Variants in ARHGEF19 observed in about 807,000 individuals in gnomAD.
The protein encoded by ARHGEF19 is Rho guanine nucleotide exchange factor 19.
A neutral mutation model predicts 87.6 loss-of-function variants in ARHGEF19; 92 were observed. That is an observed-to-expected ratio of 1.05 (90% CI 0.89 to 1.25). The LOEUF (loss-of-function observed/expected upper bound fraction) is 1.25. Ranked by LOEUF, ARHGEF19 falls within the 50% of genes most tolerant of loss-of-function variation. The pLI is 0.00. For missense variants in ARHGEF19, 1,054 were observed against 1,051.8 expected, an observed-to-expected ratio of 1.00 and a Z score of -0.03; for synonymous variants, 438 against 446.2, an observed-to-expected ratio of 0.98 and a Z score of 0.23.
At chr1:16,199,397 G>A in intron 14 of ARHGEF19, 143 bp from the exon 15 acceptor site, 1 of 677,600 alleles carries the variant, frequency 1.5e-6, no homozygotes, top group East Asian at 2.7e-5. Context: ...CCACTGCCAT[G>A]CCACAGGCCC....
Position 16,209,025 on chromosome 1 carries a change from C to T in ARHGEF19, c.30G>A (p.Gln10=), listed in dbSNP as rs777168488. The change falls in exon 2 of 16, where the codon CAG becomes CAA. Residue 10 remains glutamine (Q), a synonymous_variant. Transcript: ENST00000270747. MDCGPPATL[Q]PHLTGPPGTA... Reference sequence around the variant, plus strand: ...TGCCAGGTGGCCCAGTCAGGTGGGGCTGGAGGGTAGCAGGTGGCCCACAGT... The same window carrying T: ...TGCCAGGTGGCCCAGTCAGGTGGGGTTGGAGGGTAGCAGGTGGCCCACAGT... 3.3e-5 allele frequency: 49 copies of T among 1,499,464 alleles called. 2 individuals carry two copies. In the South Asian group the frequency reaches 6.7e-4, roughly 20 times the overall value. 92.9% of individuals were successfully genotyped at this position (1,499,464 alleles called of 1,614,324 possible). A position where few individuals can be genotyped will look rare whatever the true frequency, so the allele number is the denominator to read the frequency against.
chr1:16,207,918 T>A lies in ARHGEF19; in HGVS notation c.694+26A>T. 8.9e-7 allele frequency: 1 copy of A among 1,121,944 alleles called. No individual in the cohort carries two copies. The highest frequency in any genetic ancestry group is 1.2e-6 in the Non-Finnish European group (1 of 805,692). 69.5% of individuals were successfully genotyped at this position (1,121,944 alleles called of 1,614,324 possible). A position where few individuals can be genotyped will look rare whatever the true frequency, so the allele number is the denominator to read the frequency against. ...ACCCCCACCCGGCATCTGGCTGCCC[T>A]CAGGGCCCATGGGAGGAGCTGGTAC... is the stretch of plus-strand genomic sequence containing the variant. On this transcript the variant is annotated intron_variant, in intron 3 of 15. Transcript: ENST00000270747. This position sits in a 1 kb window ranked among gnomAD's most constrained non-coding sequence, Gnocchi z 4.0.
intron 14 of ARHGEF19, 48 bp from the exon 15 acceptor site, chr1:16,199,302 G>C: frequency 1.3e-6 from 2 of 1,569,546 alleles, no homozygotes; most frequent in South Asian, 1.1e-5. Flanking sequence ...AGGATGGCAG[G>C]GGGAGGAGCA....
chr1:16,211,391 G>C (rs1384855407), intron 1 of ARHGEF19, among the ~76,000 whole-genome samples: 4 of 152,238 alleles, frequency 2.6e-5, no homozygotes, highest in African/African-American at 9.6e-5. Context: ...TGTATGCTGG[G>C]AGATTCTAGC....
chr1:16,207,902 C>CGGCCGCGGGGG lies in ARHGEF19; in HGVS notation c.694+41_694+42insCCCCCGCGGCC. The stretch of plus-strand genomic sequence containing the variant: ...GGCATCGCCCACCCCCACCCCCACC[C>CGGCCGCGGGGG]GGCATCTGGCTGCCCTCAGGGCCCA... On this transcript the variant is annotated intron_variant, in intron 3 of 15. Coordinates refer to ENST00000270747, the MANE Select transcript of ARHGEF19 (RefSeq NM_153213.5). The surrounding 1 kb of genome is among the most constrained non-coding windows in gnomAD (Gnocchi z 4.0). 1 of 1,574,838 alleles carries CGGCCGCGGGGG rather than the reference C, an allele frequency of 6.3e-7. No homozygotes were observed. Among genetic ancestry groups the CGGCCGCGGGGG allele is most frequent in the Non-Finnish European group, 8.6e-7 (1 of 1,159,220 alleles).
Position 16,201,774 on chromosome 1 carries a change from G to A in ARHGEF19, c.2146+8C>T, listed in dbSNP as rs377601379. ...CCAGGGATGTAAGCAGCAGGGATGA[G>A]CTACTACCTTCCCCCTCACTGATGA... On this transcript the variant is annotated splice_region_variant and intron_variant, in intron 14 of 15. Coordinates refer to ENST00000270747, the MANE Select transcript of ARHGEF19 (RefSeq NM_153213.5). The A allele has an allele frequency of 9.9e-6, 16 of 1,613,360 alleles. No homozygotes were observed. In the African/African-American group the frequency reaches 1.9e-4, roughly 19 times the overall value.
chr1:16,205,176 G>T lies in ARHGEF19; in HGVS notation c.1657C>A (p.Leu553Met). 6.3e-7 allele frequency: 1 copy of T among 1,596,198 alleles called. No homozygotes were observed. The highest frequency in any genetic ancestry group is 1.3e-5 in the African/African-American group (1 of 74,764). Residue 553 changes from leucine to methionine, a missense_variant and splice_region_variant, in exon 11 of 16, where the codon CTG becomes ATG. Physicochemically the swap from Leu to Met is conservative, Grantham distance 15. Transcript: ENST00000270747. This position sits in a 1 kb window ranked among gnomAD's most constrained non-coding sequence, Gnocchi z 5.8. ...ATKAFNALKE[L>M]VQECNASVQS... Reference sequence around the variant, plus strand: ...ACACTAGCATTGCACTCCTGCACCAGCTGGGGGAGCCGTGGGGAGGTCACC... The same window carrying T: ...ACACTAGCATTGCACTCCTGCACCATCTGGGGGAGCCGTGGGGAGGTCACC...
rs1236758784 is a variant in ARHGEF19 at position 16,206,083 on chromosome 1, C to T, written c.1299G>A (p.Arg433=). 6.3e-7 allele frequency: 1 copy of T among 1,578,460 alleles called. No homozygotes were observed. The highest frequency in any genetic ancestry group is 8.6e-7 in the Non-Finnish European group (1 of 1,161,706). Reference sequence around the variant, plus strand: ...GCCGCTGCTCCAGGTCCTGCAGGAACCTGAGGAGTCAGAGCCAGGATGGAG... The same window carrying T: ...GCCGCTGCTCCAGGTCCTGCAGGAATCTGAGGAGTCAGAGCCAGGATGGAG... The part of the protein sequence containing the change: ...KLPEVKSTSE[R]FLQDLEQRLE... Residue 433 remains arginine (R), a splice_region_variant and synonymous_variant, in exon 8 of 16, where the codon AGG becomes AGA. Coordinates refer to ENST00000270747, the MANE Select transcript of ARHGEF19 (RefSeq NM_153213.5). This position sits in a 1 kb window ranked among gnomAD's most constrained non-coding sequence, Gnocchi z 4.6.
intron 12 of ARHGEF19, among the ~76,000 whole-genome samples, chr1:16,203,222 ACT>A (rs142863338): frequency 0.08 from 12,205 of 151,910 alleles, 678 homozygotes; most frequent in Non-Finnish European, 0.12. Context: ...ATTCAACAAA[ACT>A]CGGCATCAGA....
intron 1 of ARHGEF19, among the ~76,000 whole-genome samples, chr1:16,210,187 G>A (rs987460760): frequency 3.9e-5 from 6 of 152,272 alleles, no homozygotes; most frequent in African/African-American, 1.4e-4. Flanking sequence ...TGTTCCGGCA[G>A]GGGAAGCCCT....
In ARHGEF19 at chr1:16,205,744, T is replaced by C; in HGVS notation, c.1452-77A>G. The C allele has an allele frequency of 1.3e-6, 2 of 1,523,044 alleles. No homozygotes were observed. The highest frequency in any genetic ancestry group is 4.5e-5 in the Admixed American group (2 of 44,486). The allele number at this position is 1,523,044 out of a possible 1,614,324, so 94.3% of individuals were successfully genotyped here. On this transcript the variant is annotated intron_variant, in intron 8 of 15. Coordinates refer to ENST00000270747, the MANE Select transcript of ARHGEF19 (RefSeq NM_153213.5). The surrounding 1 kb of genome is among the most constrained non-coding windows in gnomAD (Gnocchi z 5.8). ...TCCACAACCCTGGCCATCCACGGGG[T>C]CCTCAGGGGGCTTCTCAGCACATCC...
intron 1 of ARHGEF19, among the ~76,000 whole-genome samples, chr1:16,211,721 A>G (rs902443947): frequency 3.9e-5 from 6 of 152,232 alleles, no homozygotes; most frequent in African/African-American, 1.4e-4. Flanking sequence ...CCCAACCTCA[A>G]TGCTGGGGAG....
rs781549574 is a variant in ARHGEF19 at position 16,208,214 on chromosome 1, G to C, written c.424C>G (p.Arg142Gly). Residue 142 changes from arginine to glycine, a missense_variant, in exon 3 of 16, where the codon CGG becomes GGG. Coordinates refer to ENST00000270747, the MANE Select transcript of ARHGEF19 (RefSeq NM_153213.5). The stretch of plus-strand genomic sequence containing the variant: ...GGGACCTCTTCACGCTGGTACACCC[G>C]CATCTTGCGCCCTAGGGTTGGGGGC... ...SEKKSAWRKM[R>G]VYQREEVPGC... 6.2e-7 allele frequency: 1 copy of C among 1,612,392 alleles called. No homozygotes were observed. The highest frequency in any genetic ancestry group is 1.3e-5 in the African/African-American group (1 of 75,010).
rs756200451 is a variant in ARHGEF19 at position 16,207,714 on chromosome 1, G to C, written c.758C>G (p.Ala253Gly). The change falls in exon 4 of 16, where the codon GCC becomes GGC. Residue 253 changes from alanine (A) to glycine (G), a missense_variant. Coordinates refer to ENST00000270747, the MANE Select transcript of ARHGEF19 (RefSeq NM_153213.5). The surrounding 1 kb of genome is among the most constrained non-coding windows in gnomAD (Gnocchi z 4.0). ...EMSGDRVSRP[A>G]PGDSREGDWS... ...ATCGCCCTCTCGTGAGTCACCAGGG[G>C]CTGGCCGCGACACCCGGTCCCCGCT... is the stretch of plus-strand genomic sequence containing the variant. 2.0e-5 allele frequency: 32 copies of C among 1,613,968 alleles called. No homozygotes were observed. Among genetic ancestry groups the C allele is most frequent in the Non-Finnish European group, 2.6e-5 (31 of 1,180,028 alleles).
Position 16,207,110 on chromosome 1 carries a change from C to G in ARHGEF19, c.975G>C (p.Glu325Asp), listed in dbSNP as rs759364576. The change falls in exon 6 of 16, where the codon GAG becomes GAC. Residue 325 changes from glutamate (E) to aspartate (D), a missense_variant. Physicochemically the swap from Glu to Asp is conservative, Grantham distance 45. Transcript: ENST00000270747. The surrounding 1 kb of genome is among the most constrained non-coding windows in gnomAD (Gnocchi z 4.0). ...EGPGDEAEGA[E>D]EGPGPPRANL... ...TGGCCCGCGGCGGCCCCGGCCCCTC[C>G]TCTGCGCCCTCGGCCTCGTCCCCCG... 6.6e-7 allele frequency: 1 copy of G among 1,516,684 alleles called. No homozygotes were observed. Among genetic ancestry groups the G allele is most frequent in the Non-Finnish European group, 8.8e-7 (1 of 1,136,310 alleles). 94.0% of individuals were successfully genotyped at this position (1,516,684 alleles called of 1,614,324 possible).
chr1:16,206,507 G>A lies in ARHGEF19; in HGVS notation c.1138-167C>T. The A allele has an allele frequency of 1.4e-6, 1 of 718,100 alleles. No individual in the cohort carries two copies. The highest frequency in any genetic ancestry group is 2.3e-6 in the Non-Finnish European group (1 of 426,198). The allele number at this position is 718,100 out of a possible 1,614,324, so 44.5% of individuals were successfully genotyped here. On this transcript the variant is annotated intron_variant, in intron 6 of 15. Transcript: ENST00000270747. The surrounding 1 kb of genome is among the most constrained non-coding windows in gnomAD (Gnocchi z 4.6). ...GCCCGGCGACCCACGTCCCGCCGCG[G>A]GAAATTGTGCAAGCCTTTCCTGTCC...
rs754919141 is a variant in ARHGEF19, at chr1:16,198,720, G to A, written c.2276C>T (p.Ala759Val). 6.2e-7 allele frequency: 1 copy of A among 1,609,766 alleles called. No individual in the cohort carries two copies. The highest frequency in any genetic ancestry group is 1.1e-5 in the South Asian group (1 of 90,598). Residue 759 changes from alanine (A) to valine (V), a missense_variant, in exon 16 of 16, where the codon GCA becomes GTA. By Grantham distance (64) the Ala-to-Val change is moderately conservative. Transcript: ENST00000270747. The surrounding 1 kb of genome is among the most constrained non-coding windows in gnomAD (Gnocchi z 4.1). ...SDGWLEGVRL[A>V]DGEKGWVPQA... ...GGGCACCCACCCCTTCTCACCATCTGCCAGGCGGACCCCTTCCAGCCAGCC... is the reference window on the plus strand; with the variant it reads ...GGGCACCCACCCCTTCTCACCATCTACCAGGCGGACCCCTTCCAGCCAGCC...
chr1:16,207,158 C>G lies in ARHGEF19; in HGVS notation c.927G>C (p.Arg309=). Residue 309 remains arginine (R), a synonymous_variant, in exon 6 of 16, where the codon CGG becomes CGC. Transcript: ENST00000270747. The surrounding 1 kb of genome is among the most constrained non-coding windows in gnomAD (Gnocchi z 4.0). The part of the protein sequence containing the change: ...SDVASARELR[R]QQREEEGPGD... The stretch of plus-strand genomic sequence containing the variant: ...CCGGGCCCTCCTCCTCGCGCTGCTG[C>G]CGCCGCAGTTCGCGGGCGCTGGCCA... 1 of 1,530,656 alleles carries G rather than the reference C, an allele frequency of 6.5e-7. No homozygotes were observed. Among genetic ancestry groups the G allele is most frequent in the Non-Finnish European group, 8.8e-7 (1 of 1,142,664 alleles). 94.8% of individuals were successfully genotyped at this position (1,530,656 alleles called of 1,614,324 possible). A position where few individuals can be genotyped will look rare whatever the true frequency, so the allele number is the denominator to read the frequency against.
At position 16,207,874 on chromosome 1, in the gene ARHGEF19, G is replaced by C. The variant is rs1193014626; in HGVS notation, c.694+70C>G. The C allele has an allele frequency of 3.8e-6, 6 of 1,585,372 alleles. No homozygotes were observed. In the East Asian group the frequency reaches 1.4e-4, roughly 36 times the overall value. ...CCTGACGGCCTCAGGCGGCCGGTGA[G>C]TGGGCATCGCCCACCCCCACCCCCA... On this transcript the variant is annotated intron_variant, in intron 3 of 15. Transcript: ENST00000270747. The surrounding 1 kb of genome is among the most constrained non-coding windows in gnomAD (Gnocchi z 4.0).
Sources: allele counts gnomAD v4.1 joint callset (sites outside exome capture counted in the v4.1 genomes callset), GRCh38; gene constraint gnomAD v4.1.1; non-coding constraint Gnocchi (gnomAD v3.1); transcripts MANE v1.5; gene names NCBI Gene and HGNC (gene_info 2026-07-23, HGNC 2026-07-21).